Variants in AGL observed in about 807,000 individuals in gnomAD.
AGL encodes glycogen debranching enzyme.
Under a neutral mutation model 199.3 loss-of-function variants are expected in AGL, and 128 were observed. The ratio of observed to expected loss-of-function variants is 0.64; its 90% CI spans 0.56 to 0.74. The LOEUF (loss-of-function observed/expected upper bound fraction) is 0.74. Ranked by LOEUF, AGL falls within the 30% of genes least tolerant of loss-of-function variation. The pLI is 0.00. For synonymous variants in AGL, 584 were observed against 594.7 expected (o/e 0.98, Z 0.26); for missense variants, 1,809 against 1,820.8 (o/e 0.99, Z 0.12).
In AGL at chr1:99,864,513, T is replaced by C; in HGVS notation, c.588T>C (p.Asp196=). The C allele has an allele frequency of 1.2e-6, 2 of 1,613,952 alleles. No individual in the cohort carries two copies. The highest frequency in any genetic ancestry group is 1.7e-6 in the Non-Finnish European group (2 of 1,179,908). ...SRPNRKYTWN[D]VGQLVEKLKK... is the part of the protein sequence containing the mutation. ...CTAATAGAAAGTATACCTGGAATGATGTTGGACAGCTAGTGGAAAAATTAA... is the reference window on the plus strand; with the variant it reads ...CTAATAGAAAGTATACCTGGAATGACGTTGGACAGCTAGTGGAAAAATTAA... Residue 196 remains aspartate (D), a synonymous_variant, in exon 5 of 34, where the codon GAT becomes GAC. Coordinates refer to ENST00000361915, the MANE Select transcript of AGL (RefSeq NM_000642.3).
At position 99,855,359 on chromosome 1, in the gene AGL, T is replaced by C. The variant is rs560226891; in HGVS notation, c.82+4235T>C. Among the ~76,000 whole-genome samples the C allele has an allele frequency of 3.6e-4, 53 of 147,754 alleles. No individual in the cohort carries two copies. The South Asian group carries it at 0.01, about 28-fold the overall frequency. Reference sequence around the variant, plus strand: ...CCCTCATATTTCTTTCCTTCTCTCTTTTCTACAAGAAGGAATTCCTCCTCG... The same window carrying C: ...CCCTCATATTTCTTTCCTTCTCTCTCTTCTACAAGAAGGAATTCCTCCTCG... On this transcript the variant is annotated intron_variant, in intron 2 of 33. Transcript: ENST00000361915.
At position 99,887,962 on chromosome 1, in the gene AGL, A is replaced by T; in HGVS notation, c.2682-16A>T. On this transcript the variant is annotated splice_polypyrimidine_tract_variant and intron_variant, in intron 20 of 33. Coordinates refer to ENST00000361915, the MANE Select transcript of AGL (RefSeq NM_000642.3). ...GAAACTTCAATATATGGTTATCTTT[A>T]TTTTCCAATTCTTAGTCTTGCCTCC... is the stretch of plus-strand genomic sequence containing the variant. The T allele has an allele frequency of 6.2e-7, 1 of 1,612,620 alleles. No individual in the cohort carries two copies. Among genetic ancestry groups the T allele is most frequent in the South Asian group, 1.1e-5 (1 of 91,020 alleles).
At chr1:99,888,279 A>T (rs369885621) in intron 21 of AGL, among the ~76,000 whole-genome samples, 171 bp downstream of exon 21, 3 of 152,190 alleles carry the variant, frequency 2.0e-5, no homozygotes, top group East Asian at 1.9e-4. Flanking sequence ...TTTGTGTGCC[A>T]ATTTCTGCTT....
At chr1:99,865,496 A>C (rs1000799037) in intron 5 of AGL, among the ~76,000 whole-genome samples, 4 of 152,222 alleles carry the variant, frequency 2.6e-5, no homozygotes, top group Non-Finnish European at 5.9e-5. Flanking sequence ...ATTAAAATAG[A>C]TCAGATTTTT....
rs775949246 is a variant in AGL, at chr1:99,875,243, A to G, written c.1172A>G (p.Tyr391Cys). ...TCAGAGAAGCATCGACTCATTAACT[A>G]TCATCAGGAACAGGTTTTACTTATT... Reference protein sequence around the residue: ...LNSEKHRLINYHQEQAVNCLL... With the variant: ...LNSEKHRLINCHQEQAVNCLL... Residue 391 changes from tyrosine to cysteine, a missense_variant, in exon 9 of 34, where the codon TAT becomes TGT. Tyr to Cys is a radical substitution (Grantham distance 194). Transcript: ENST00000361915. 4.7e-5 allele frequency: 76 copies of G among 1,613,860 alleles called. No homozygotes were observed. The highest frequency in any genetic ancestry group is 5.6e-5 in the Non-Finnish European group (66 of 1,179,848).
intron 11 of AGL, among the ~76,000 whole-genome samples, chr1:99,877,099 T>C (rs1651609107): frequency 6.6e-6 from 1 of 152,214 alleles, no homozygotes; most frequent in South Asian, 2.1e-4. Flanking sequence ...AGCCCATTGA[T>C]ATATTTATTT....
intron 4 of AGL, among the ~76,000 whole-genome samples, chr1:99,864,148 A>T (rs1393628867): frequency 6.6e-6 from 1 of 152,198 alleles, no homozygotes; most frequent in East Asian, 1.9e-4. Context: ...TTCAAATATT[A>T]TCTCATTATC....
chr1:99,861,662 G>A lies in AGL; in HGVS notation c.242G>A (p.Cys81Tyr). ...AGAGAAGATGATTCTGATAAATACT[G>A]TAAACTTAATCTGCAACAATCTGGT... ...TEREDDSDKYCKLNLQQSGSF... is the reference protein window; with the variant it reads ...TEREDDSDKYYKLNLQQSGSF... The change falls in exon 3 of 34, where the codon TGT (cysteine) becomes TAT (tyrosine). Residue 81 changes from cysteine (C) to tyrosine (Y), a missense_variant. Coordinates refer to ENST00000361915, the MANE Select transcript of AGL (RefSeq NM_000642.3). 6.2e-7 allele frequency: 1 copy of A among 1,613,540 alleles called. No individual in the cohort carries two copies. Among genetic ancestry groups the A allele is most frequent in the Non-Finnish European group, 8.5e-7 (1 of 1,179,590 alleles).
At chr1:99,910,407 G>A (rs1381679982) in intron 27 of AGL, among the ~76,000 whole-genome samples, 2 of 152,056 alleles carry the variant, frequency 1.3e-5, no homozygotes, top group East Asian at 3.9e-4. Context: ...CCTCTATTGA[G>A]CAGTTATTTT....
At chr1:99,873,455 A>G (rs1267332117) in intron 7 of AGL, among the ~76,000 whole-genome samples, 2 of 141,170 alleles carry the variant, frequency 1.4e-5, no homozygotes, top group African/African-American at 5.3e-5. Context: ...TTTTTTTGAG[A>G]CAGAGTTTCA....
chr1:99,913,463 CTG>C (rs891528528), intron 29 of AGL, 62 bp from the exon 30 acceptor site: 29 of 1,290,784 alleles, frequency 2.2e-5, no homozygotes, highest in Non-Finnish European at 3.1e-5. Context: ...TACTATTTGT[CTG>C]TAACTAGATG....
intron 33 of AGL, among the ~76,000 whole-genome samples, chr1:99,918,899 G>A (rs1395145115): frequency 6.6e-6 from 1 of 151,738 alleles, no homozygotes; most frequent in Non-Finnish European, 1.5e-5. Context: ...AAATCTGGCT[G>A]GTGGGAACAA....
chr1:99,902,380 G>T (rs201012990), intron 26 of AGL, among the ~76,000 whole-genome samples: 1 of 152,136 alleles, frequency 6.6e-6, no homozygotes, highest in Admixed American at 6.5e-5. Context: ...AGCTAGGTTC[G>T]TTTATTAGCT....
intron 27 of AGL, among the ~76,000 whole-genome samples, chr1:99,903,825 A>G (rs1477942708): frequency 6.6e-6 from 1 of 152,132 alleles, no homozygotes; most frequent in African/African-American, 2.4e-5. Flanking sequence ...AATGATTGCC[A>G]TTCTAACTGG....
intron 27 of AGL, among the ~76,000 whole-genome samples, chr1:99,908,625 G>A (rs1654505565): frequency 6.6e-6 from 1 of 152,116 alleles, no homozygotes. Context: ...AGTCACCTCA[G>A]TGTTGTCACC....
chr1:99,910,698 A>G lies in AGL; in HGVS notation c.3701-14A>G. Reference sequence around the variant, plus strand: ...ACTTATAAAATTTTATTTTATACACATTTTGTTTTTTAGGTTTTAATATAA... The same window carrying G: ...ACTTATAAAATTTTATTTTATACACGTTTTGTTTTTTAGGTTTTAATATAA... On this transcript the variant is annotated splice_polypyrimidine_tract_variant and intron_variant, in intron 27 of 33. Coordinates refer to ENST00000361915, the MANE Select transcript of AGL (RefSeq NM_000642.3). 2 of 1,515,926 alleles carry G rather than the reference A, an allele frequency of 1.3e-6. No individual in the cohort carries two copies. Among genetic ancestry groups the G allele is most frequent in the Non-Finnish European group, 9.1e-7 (1 of 1,104,302 alleles). The allele number at this position is 1,515,926 out of a possible 1,614,324, so 93.9% of individuals were successfully genotyped here. A position where few individuals can be genotyped will look rare whatever the true frequency, so the allele number is the denominator to read the frequency against.
chr1:99,912,608 A>G, intron 29 of AGL, 91 bp downstream of exon 29: 1 of 933,398 alleles, frequency 1.1e-6, no homozygotes, highest in African/African-American at 1.6e-5. Flanking sequence ...ATCAGCTAAT[A>G]TCGGAAAACC....
upstream of AGL, chr1:99,850,263 A>T (rs2101051861): frequency 6.6e-6 from 1 of 152,480 alleles, no homozygotes; most frequent in African/African-American, 2.4e-5. Flanking sequence ...TTTGCCCTTC[A>T]CGGCGCCCGG....
rs192550591 is a variant in AGL at position 99,885,460 on chromosome 1, G to A, written c.2681+757G>A. Among the ~76,000 whole-genome samples the A allele has an allele frequency of 4.1e-4, 63 of 152,180 alleles. No homozygotes were observed. In the East Asian group the frequency reaches 7.5e-3, roughly 18 times the overall value. On this transcript the variant is annotated intron_variant, in intron 20 of 33. Coordinates refer to ENST00000361915, the MANE Select transcript of AGL (RefSeq NM_000642.3). ...AATGGAAGTTTTGGGTTAGACGAGG[G>A]GTCCCCAACCTCTGGGCCACAGACT...
Sources: allele counts gnomAD v4.1 joint callset (sites outside exome capture counted in the v4.1 genomes callset), GRCh38; gene constraint gnomAD v4.1.1; transcripts MANE v1.5; gene names NCBI Gene and HGNC (gene_info 2026-07-23, HGNC 2026-07-21).